Variants in CALN1 observed in about 807,000 individuals in gnomAD.
CALN1 encodes the protein calneuron 1.
CALN1 carries 17 observed loss-of-function variants against 30.6 expected under a neutral mutation model. The ratio of observed to expected loss-of-function variants is 0.56; its 90% confidence interval spans 0.38 to 0.83. The LOEUF (loss-of-function observed/expected upper bound fraction) is 0.83, where lower values mean the gene tolerates loss of function less well. Ranked by LOEUF, CALN1 falls within the 40% of genes least tolerant of loss-of-function variation. CALN1 has a pLI of 0.00. For synonymous variants in CALN1, 156 were observed against 131.4 expected (o/e 1.19, Z -1.28); for missense variants, 291 against 354.9 (o/e 0.82, Z 1.45).
At chr7:72,276,760 G>A (rs1797357323) in intron 3 of CALN1, among the ~76,000 whole-genome samples, 1 of 152,020 alleles carries the variant, frequency 6.6e-6, no homozygotes, top group African/African-American at 2.4e-5. Flanking sequence ...CCAGATACCA[G>A]TGCTATGCAC....
rs562172674 is a variant in CALN1, at chr7:71,959,043, A to G, written c.501+64614T>C. ...CACTTGTTAGTTATAAAAGATAGGC[A>G]TAGGCTGCTCAATTAAAGCAAGGAT... is the stretch of plus-strand genomic sequence containing the variant. On this transcript the variant is annotated intron_variant, in intron 5 of 6. Transcript: ENST00000395275. Among the ~76,000 whole-genome samples, 35 of 152,340 alleles carry G rather than the reference A, an allele frequency of 2.3e-4. No homozygotes were observed. In the South Asian group the frequency reaches 5.6e-3, roughly 24 times the overall value.
chr7:72,329,712 G>C (rs188319208), intron 2 of CALN1, among the ~76,000 whole-genome samples: 19 of 152,306 alleles, frequency 1.2e-4, no homozygotes, highest in Non-Finnish European at 2.5e-4. Context: ...CCAGCACTTT[G>C]GGAGGCTGAG....
chr7:72,178,115 GA>G (rs1164973838), intron 3 of CALN1, among the ~76,000 whole-genome samples: 4 of 152,142 alleles, frequency 2.6e-5, no homozygotes, highest in African/African-American at 9.7e-5. Context: ...AAAAATGGGG[GA>G]AAAAATTTGT....
At chr7:72,502,064 ATTGT>A in the CALN1 span, among the ~76,000 whole-genome samples, 1 of 147,470 alleles carries the variant, frequency 6.8e-6, no homozygotes, top group Admixed American at 6.9e-5. Flanking sequence ...TTTAATTATT[ATTGT>A]TTCTTTGCCA....
chr7:72,401,407 C>A (rs1474211430), intron 2 of CALN1, among the ~76,000 whole-genome samples: 1 of 152,178 alleles, frequency 6.6e-6, no homozygotes, highest in African/African-American at 2.4e-5. Context: ...TCTCAGCCCA[C>A]TGCACAAAGA....
intron 5 of CALN1, among the ~76,000 whole-genome samples, chr7:71,929,960 C>T (rs949929328): frequency 6.6e-6 from 1 of 152,188 alleles, no homozygotes; most frequent in Non-Finnish European, 1.5e-5. Flanking sequence ...TCCACGGCTG[C>T]TCAAGCATCT....
chr7:72,261,665 T>A (rs1295431341), intron 3 of CALN1, among the ~76,000 whole-genome samples: 1 of 152,126 alleles, frequency 6.6e-6, no homozygotes, highest in Non-Finnish European at 1.5e-5. Context: ...TGGGCTCAAG[T>A]AATCCTCCTG....
At chr7:72,374,328 A>G (rs1393603286) in intron 2 of CALN1, among the ~76,000 whole-genome samples, 2 of 152,212 alleles carry the variant, frequency 1.3e-5, no homozygotes, top group Non-Finnish European at 2.9e-5. Flanking sequence ...CAGGAGCTCA[A>G]TCCCAGCCTG....
intron 6 of CALN1, among the ~76,000 whole-genome samples, chr7:71,794,283 A>C (rs1166437031): frequency 6.6e-6 from 1 of 152,208 alleles, no homozygotes; most frequent in Non-Finnish European, 1.5e-5. Flanking sequence ...AAGAAAATGC[A>C]CTTCAAACAC....
chr7:72,451,304 A>G (rs1387413673), upstream of CALN1, among the ~76,000 whole-genome samples: 1 of 145,482 alleles, frequency 6.9e-6, no homozygotes, highest in African/African-American at 2.6e-5. Flanking sequence ...GAGAAGAGGA[A>G]GAAGAAGGAG....
At chr7:71,792,919 C>T (rs556782474) in intron 6 of CALN1, among the ~76,000 whole-genome samples, 1 of 151,950 alleles carries the variant, frequency 6.6e-6, no homozygotes, top group East Asian at 2.0e-4. Context: ...AGCGGGGCTG[C>T]AAGTTTGATC....
chr7:71,957,027 CT>C (rs1280632577), intron 5 of CALN1, among the ~76,000 whole-genome samples: 1 of 152,040 alleles, frequency 6.6e-6, no homozygotes, highest in Non-Finnish European at 1.5e-5. Context: ...TAGTCAATCC[CT>C]TCATCTCCCT....
At chr7:72,047,924 G>T (rs1279480059) in intron 4 of CALN1, among the ~76,000 whole-genome samples, 1 of 152,144 alleles carries the variant, frequency 6.6e-6, no homozygotes, top group Non-Finnish European at 1.5e-5. Flanking sequence ...ATTGGATATT[G>T]TCTGGGACAG....
intron 2 of CALN1, among the ~76,000 whole-genome samples, chr7:72,368,157 G>A (rs548141233): frequency 2.0e-5 from 3 of 150,660 alleles, no homozygotes; most frequent in East Asian, 1.9e-4. Context: ...CTATGTGTGT[G>A]TATATATATA....
chr7:72,169,344 G>A (rs796153014), intron 3 of CALN1, among the ~76,000 whole-genome samples: 14 of 152,214 alleles, frequency 9.2e-5, no homozygotes, highest in African/African-American at 3.1e-4. Context: ...TTTGGAGACA[G>A]AGTCTCACTC....
At chr7:72,328,276 G>C (rs866066965) in intron 2 of CALN1, among the ~76,000 whole-genome samples, 53 of 152,302 alleles carry the variant, frequency 3.5e-4, no homozygotes, top group African/African-American at 1.2e-3. Flanking sequence ...GGTGGGGCCA[G>C]GTGGAGATAA....
At position 72,410,861 on chromosome 7, in the gene CALN1, A is replaced by T. The variant is rs62463251; in HGVS notation, c.-74+1197T>A. Among the ~76,000 whole-genome samples the T allele has an allele frequency of 5.4e-3, 822 of 152,324 alleles. 4 individuals carry two copies. The highest frequency in any genetic ancestry group is 8.6e-3 in the Non-Finnish European group (585 of 68,026). On this transcript the variant is annotated intron_variant, in intron 1 of 6. Coordinates refer to ENST00000395275, the MANE Select transcript of CALN1 (RefSeq NM_031468.4). ...TTATTGCTAAAATCAGAAAAAATACAAGGATGTTTACTATCTCTGCTACTA... is the reference window on the plus strand; with the variant it reads ...TTATTGCTAAAATCAGAAAAAATACTAGGATGTTTACTATCTCTGCTACTA...
At chr7:71,892,793 C>G (rs1365508936) in intron 5 of CALN1, among the ~76,000 whole-genome samples, 2 of 152,170 alleles carry the variant, frequency 1.3e-5, no homozygotes, top group Admixed American at 6.5e-5. Flanking sequence ...TCTCCTTTCA[C>G]ATTTTGTATG....
At chr7:72,005,664 A>G (rs1247734173) in intron 5 of CALN1, among the ~76,000 whole-genome samples, 3 of 152,188 alleles carry the variant, frequency 2.0e-5, no homozygotes, top group Non-Finnish European at 4.4e-5. Flanking sequence ...AATTTGAATG[A>G]ATCTCAAGCA....
Sources: gnomAD v4.1 joint callset for allele counts (sites outside exome capture counted in the v4.1 genomes callset) on GRCh38, gnomAD v4.1.1 for gene constraint, MANE v1.5 for transcripts, NCBI Gene and HGNC (gene_info 2026-07-23, HGNC 2026-07-21) for gene names.